The following SLC29A1 variants were observed in gnomAD, a reference collection of about 807,000 sequenced individuals.
SLC29A1 encodes equilibrative nucleoside transporter 1.
In SLC29A1, 22 loss-of-function variants were observed where a neutral mutation model predicts 48.3. The ratio of observed to expected loss-of-function variants is 0.46; its 90% CI spans 0.33 to 0.65. The LOEUF (loss-of-function observed/expected upper bound fraction) is 0.65. Among genes scored for constraint, SLC29A1 ranks in the 30% least tolerant of loss-of-function variants. The pLI is 0.03. For synonymous variants in SLC29A1, 228 were observed against 231.0 expected, an observed-to-expected ratio of 0.99 and a Z score of 0.12; for missense variants, 491 against 575.3, an observed-to-expected ratio of 0.85 and a Z score of 1.50.
intron 12 of SLC29A1, 56 bp downstream of exon 12, chr6:44,233,062 G>T: frequency 6.5e-7 from 1 of 1,544,008 alleles, no homozygotes; most frequent in Non-Finnish European, 8.9e-7. Context: ...GAGTTCCAGT[G>T]GGGGACACTC....
At chr6:44,231,328 C>A in intron 8 of SLC29A1, 36 bp from the exon 9 acceptor site, 1 of 1,364,782 alleles carries the variant, frequency 7.3e-7, no homozygotes. Flanking sequence ...GTTGCTCTGT[C>A]TTCCCCACAA....
At chr6:44,221,048 T>G (rs894516916), upstream of SLC29A1, among the ~76,000 whole-genome samples, 11 of 151,908 alleles carry the variant, frequency 7.2e-5, no homozygotes, top group African/African-American at 2.7e-4. The surrounding 1 kb of genome is among the most constrained non-coding windows in gnomAD (Gnocchi z 4.2). Context: ...CCTGGCTAAT[T>G]TATTTTAATT....
rs1779100211 is a variant in SLC29A1, at chr6:44,232,386, CT to C, written c.1020del (p.Phe340LeufsTer47). On this transcript the variant is annotated frameshift_variant, in exon 11 of 13. Transcript: ENST00000371755. LOFTEE classifies it high-confidence loss of function. The surrounding 1 kb of genome is among the most constrained non-coding windows in gnomAD (Gnocchi z 4.7). Reference protein sequence around the residue: ...PVSCFLTFNIFDWLGRSLTAV... With the variant: ...PVSCFLTFNIXDWLGRSLTAV... ...TGTCCTGTTTCTTGACTTTCAATAT[CT>C]TTGACTGGTTGGGCCGGAGCCTCAC... 6.2e-7 allele frequency: 1 copy of C among 1,613,680 alleles called. No homozygotes were observed. The highest frequency in any genetic ancestry group is 8.5e-7 in the Non-Finnish European group (1 of 1,179,744).
chr6:44,229,668 C>T lies in SLC29A1; in HGVS notation c.191C>T (p.Ala64Val). 1 of 1,614,150 alleles carries T rather than the reference C, an allele frequency of 6.2e-7. No individual in the cohort carries two copies. Among genetic ancestry groups the T allele is most frequent in the South Asian group, 1.1e-5 (1 of 91,092 alleles). The change falls in exon 4 of 13, where the codon GCC (alanine) becomes GTC (valine). Residue 64 changes from alanine (A) to valine (V), a missense_variant. By Grantham distance (64) the Ala-to-Val change is moderately conservative. Transcript: ENST00000371755. The surrounding 1 kb of genome is among the most constrained non-coding windows in gnomAD (Gnocchi z 5.1). ...AELSKDAQAS[A>V]APAAPLPERN... is the part of the protein sequence containing the mutation. ...CTGAGCAAGGACGCCCAGGCGTCAG[C>T]CGCCCCTGCAGCACCCTTGCCTGAG...
At chr6:44,221,789 C>T, upstream of SLC29A1, 1 of 432,034 alleles carries the variant, frequency 2.3e-6, no homozygotes. This position sits in a 1 kb window ranked among gnomAD's most constrained non-coding sequence, Gnocchi z 4.2. Context: ...AGGGGCCCAG[C>T]AGGATGGATG....
intron 7 of SLC29A1, 62 bp from the exon 8 acceptor site, chr6:44,230,749 G>A (rs1778660274): frequency 1.3e-6 from 2 of 1,582,016 alleles, no homozygotes; most frequent in Admixed American, 3.3e-5. Context: ...AAACCTGAAG[G>A]AGGCCGGGAT....
At chr6:44,222,153 G>C (rs1469987537), upstream of SLC29A1, among the ~76,000 whole-genome samples, 1 of 151,798 alleles carries the variant, frequency 6.6e-6, no homozygotes, top group Non-Finnish European at 1.5e-5. Flanking sequence ...GAATTAGGGG[G>C]TTGTGGACAG....
chr6:44,232,745 T>TTGGGGGCCTGGCTGTGCCCTGGGG lies in SLC29A1; in HGVS notation c.1060-58_1060-35dup. The TTGGGGGCCTGGCTGTGCCCTGGGG allele has an allele frequency of 6.5e-7, 1 of 1,534,846 alleles. No homozygotes were observed. The highest frequency in any genetic ancestry group is 1.1e-5 in the South Asian group (1 of 88,708). On this transcript the variant is annotated intron_variant, in intron 11 of 12. Coordinates refer to ENST00000371755, the MANE Select transcript of SLC29A1 (RefSeq NM_001372327.1). The surrounding 1 kb of genome is among the most constrained non-coding windows in gnomAD (Gnocchi z 4.7). ...ATCCTGAGGGGCCCCAGATGGATCC[T>TTGGGGGCCTGGCTGTGCCCTGGGG]TGGGGGCCTGGCTGTGCCCTGGGGT...
intron 2 of SLC29A1, 142 bp downstream of exon 2, chr6:44,227,484 G>A: frequency 2.8e-6 from 2 of 724,388 alleles, no homozygotes; most frequent in Non-Finnish European, 4.8e-6. Context: ...TCAGGGGTGG[G>A]GACCCCGTGT....
chr6:44,227,320 A>G lies in SLC29A1; in HGVS notation c.7A>G (p.Thr3Ala), dbSNP rs1777793329. 1 of 1,614,056 alleles carries G rather than the reference A, an allele frequency of 6.2e-7. No homozygotes were observed. Among genetic ancestry groups the G allele is most frequent in the Admixed American group, 1.7e-5 (1 of 60,014 alleles). The stretch of plus-strand genomic sequence containing the variant: ...AACCGAGAACACCATCACCATGACA[A>G]CCAGTCACCAGCCTCAGGACAGGTA... MT[T>A]SHQPQDRYKA... Residue 3 changes from threonine to alanine, a missense_variant, in exon 2 of 13, where the codon ACC becomes GCC. Physicochemically the swap from Thr to Ala is moderately conservative, Grantham distance 58 (BLOSUM62 0). Transcript: ENST00000371755.
intron 1 of SLC29A1, chr6:44,226,176 C>G: frequency 1.0e-6 from 1 of 952,534 alleles, no homozygotes. Context: ...TGGTGAGTGC[C>G]CAGAAAGGGA....
rs1378281644 is a variant in SLC29A1, at chr6:44,232,157, G to A, written c.973+51G>A. On this transcript the variant is annotated intron_variant, in intron 10 of 12. Transcript: ENST00000371755. This position sits in a 1 kb window ranked among gnomAD's most constrained non-coding sequence, Gnocchi z 4.7. ...TGGGAACAGACAGGATCTTGAGTTG[G>A]GCTGGAAGTGGGGAAGGGAGGGAGC... is the stretch of plus-strand genomic sequence containing the variant. 3 of 1,454,010 alleles carry A rather than the reference G, an allele frequency of 2.1e-6. No individual in the cohort carries two copies. In the Admixed American group the frequency reaches 5.0e-5, roughly 24 times the overall value. 90.1% of individuals were successfully genotyped at this position (1,454,010 alleles called of 1,614,324 possible).
In SLC29A1 at chr6:44,230,451, G is replaced by T. The variant is rs760131569; in HGVS notation, c.559G>T (p.Ala187Ser). The T allele has an allele frequency of 7.4e-6, 12 of 1,613,756 alleles. No homozygotes were observed. The South Asian group carries it at 1.3e-4, about 18-fold the overall frequency. The change falls in exon 6 of 13, where the codon GCC becomes TCC. Residue 187 changes from alanine (A) to serine (S), a missense_variant. By Grantham distance (99) the Ala-to-Ser change is moderately conservative. Coordinates refer to ENST00000371755, the MANE Select transcript of SLC29A1 (RefSeq NM_001372327.1). ...MSGQGLAGFF[A>S]SVAMICAIAS... The stretch of plus-strand genomic sequence containing the variant: ...TGGCCAGGGCCTAGCAGGCTTCTTT[G>T]CCTCCGTGGCCATGATCTGCGCTAT...
rs1407803121 is a variant in SLC29A1 at position 44,223,945 on chromosome 6, C to CT, written c.-52+304_-52+305insT. 7.1e-6 allele frequency: 7 copies of CT among 988,844 alleles called. No homozygotes were observed. The African/African-American group carries it at 1.2e-4, about 17-fold the overall frequency. The allele number at this position is 988,844 out of a possible 1,614,324, so 61.3% of individuals were successfully genotyped here. On this transcript the variant is annotated intron_variant, in intron 1 of 12. Coordinates refer to ENST00000371755, the MANE Select transcript of SLC29A1 (RefSeq NM_001372327.1). This position sits in a 1 kb window ranked among gnomAD's most constrained non-coding sequence, Gnocchi z 5.0. The stretch of plus-strand genomic sequence containing the variant: ...GGGCAGGCGAGTGGACGGGTGATCC[C>CT]CATCGATCTGGTCGGTATCAGGGAG...
At position 44,229,510 on chromosome 6, in the gene SLC29A1, A is replaced by T. The variant is rs766645414; in HGVS notation, c.111+39A>T. On this transcript the variant is annotated intron_variant, in intron 3 of 12. Transcript: ENST00000371755. This position sits in a 1 kb window ranked among gnomAD's most constrained non-coding sequence, Gnocchi z 5.1. ...GACTGGGCTCCATGGGGCAGTGCCC[A>T]CTGTGCTTGCAGGATCTGACTCTGT... 9 of 1,608,726 alleles carry T rather than the reference A, an allele frequency of 5.6e-6. No individual in the cohort carries two copies. The African/African-American group carries it at 1.1e-4, about 19-fold the overall frequency.
At chr6:44,226,440 C>T (rs944009871) in intron 1 of SLC29A1, among the ~76,000 whole-genome samples, 2 of 148,736 alleles carry the variant, frequency 1.3e-5, no homozygotes, top group East Asian at 4.0e-4. Context: ...AAAGGGGAAG[C>T]GGACAGGAGC....
chr6:44,220,078 A>C (rs1267032475), upstream of SLC29A1, among the ~76,000 whole-genome samples: 1 of 152,186 alleles, frequency 6.6e-6, no homozygotes, highest in Non-Finnish European at 1.5e-5. Context: ...CCCAGACCTA[A>C]CTGAACAAAG....
In SLC29A1 at chr6:44,229,511, CTG is replaced by C; in HGVS notation, c.111+43_111+44del. The C allele has an allele frequency of 6.2e-7, 1 of 1,609,224 alleles. No individual in the cohort carries two copies. The highest frequency in any genetic ancestry group is 8.5e-7 in the Non-Finnish European group (1 of 1,175,562). On this transcript the variant is annotated intron_variant, in intron 3 of 12. Transcript: ENST00000371755. The surrounding 1 kb of genome is among the most constrained non-coding windows in gnomAD (Gnocchi z 5.1). Reference sequence around the variant, plus strand: ...ACTGGGCTCCATGGGGCAGTGCCCACTGTGCTTGCAGGATCTGACTCTGTGCT... The same window carrying C: ...ACTGGGCTCCATGGGGCAGTGCCCACTGCTTGCAGGATCTGACTCTGTGCT...
intron 1 of SLC29A1, chr6:44,226,863 C>CA (rs1561877694): frequency 9.7e-7 from 1 of 1,027,826 alleles, no homozygotes; most frequent in Non-Finnish European, 1.2e-6. Context: ...CTTCCCTTGT[C>CA]ATCACTGTCC....
Sources: gnomAD v4.1 joint callset for allele counts (sites outside exome capture counted in the v4.1 genomes callset) on GRCh38, gnomAD v4.1.1 for gene constraint, Gnocchi (gnomAD v3.1) non-coding constraint, MANE v1.5 for transcripts, NCBI Gene and HGNC (gene_info 2026-07-23, HGNC 2026-07-21) for gene names.